NBPF8: variants seen among roughly 807,000 people sequenced by gnomAD.
NBPF8 encodes the protein NBPF family member NBPF8.
intron 14 of NBPF8, 126 bp downstream of exon 12, chr1:120,453,570 A>C: frequency 1.1e-6 from 1 of 919,640 alleles, no homozygotes. Flanking sequence ...TATGTGAAAT[A>C]TAACCCAGCT....
chr1:120,418,438 T>C (rs1660484583), upstream of NBPF8, among the ~76,000 whole-genome samples: 1 of 130,770 alleles, frequency 7.6e-6, no homozygotes. Flanking sequence ...TATACTTAAT[T>C]ACCAGGAAAA....
chr1:120,418,791 T>G (rs1156467896), upstream of NBPF8, among the ~76,000 whole-genome samples: 2 of 149,122 alleles, frequency 1.3e-5, no homozygotes, highest in African/African-American at 5.0e-5. Flanking sequence ...CAAATGACCC[T>G]CCCACCTTGG....
Position 120,455,970 on chromosome 1 carries a change from C to G in NBPF8, n.2620+510C>G, listed in dbSNP as rs1338803293. On this transcript the variant is annotated intron_variant and non_coding_transcript_variant, in intron 16 of 24. Transcript: ENST00000583271. ...TCCCAGAGATTCTGGTATGTTGTGT[C>G]TTTTTTCTCATTGGTTTCAAAGAAC... Among the ~76,000 whole-genome samples, 5 of 151,986 alleles carry G rather than the reference C, an allele frequency of 3.3e-5. 1 individual carries two copies. The highest frequency in any genetic ancestry group is 2.1e-4 in the South Asian group (1 of 4,822).
At chr1:120,466,071 A>T in exon 25 of NBPF8, 1 of 1,611,968 alleles carries the variant, frequency 6.2e-7, no homozygotes. Context: ...ACTGTGAACT[A>T]CGTGACTCAT....
intron 3 of NBPF8, among the ~76,000 whole-genome samples, chr1:120,428,679 T>C (rs1374399623): frequency 6.6e-6 from 1 of 152,050 alleles, no homozygotes; most frequent in Admixed American, 6.5e-5. Context: ...TCTGGGGCCA[T>C]GCGGTCTGTG....
intron 3 of NBPF8, among the ~76,000 whole-genome samples, chr1:120,429,956 A>G (rs1660831220): frequency 1.3e-5 from 2 of 150,470 alleles, no homozygotes; most frequent in Non-Finnish European, 2.9e-5. Flanking sequence ...CAGTAAAAGC[A>G]TTTGGCAAAA....
At chr1:120,415,338 C>T (rs1660400345), upstream of NBPF8, among the ~76,000 whole-genome samples, 1 of 149,644 alleles carries the variant, frequency 6.7e-6, no homozygotes, top group South Asian at 2.1e-4. Context: ...ACAGCTGGGT[C>T]GAGCTGCGGC....
upstream of NBPF8, among the ~76,000 whole-genome samples, chr1:120,416,329 G>T (rs1474547708): frequency 8.1e-6 from 1 of 123,730 alleles, no homozygotes; most frequent in Non-Finnish European, 1.7e-5. Flanking sequence ...GGTGGTCCGG[G>T]CGCGGTAGAT....
At chr1:120,441,421 ACT>A in exon 5 of NBPF8, 1 of 908,806 alleles carries the variant, frequency 1.1e-6, no homozygotes, top group Non-Finnish European at 1.8e-6. Flanking sequence ...GACGAAGTCA[ACT>A]CAACTCTGGT....
upstream of NBPF8, among the ~76,000 whole-genome samples, chr1:120,415,083 G>A (rs1553244863): frequency 6.6e-6 from 1 of 152,212 alleles, no homozygotes; most frequent in South Asian, 2.1e-4. Context: ...GCTGGGCGGC[G>A]GTTGAGACAG....
upstream of NBPF8, among the ~76,000 whole-genome samples, chr1:120,419,406 C>T (rs1367553683): frequency 9.2e-5 from 14 of 152,166 alleles, no homozygotes; most frequent in East Asian, 3.9e-4. Flanking sequence ...CAGAAAGAAT[C>T]GAATTCTTGT....
chr1:120,466,314 C>T, exon 25 of NBPF8: 1 of 1,540,270 alleles, frequency 6.5e-7, no homozygotes, highest in South Asian at 1.2e-5. Flanking sequence ...ATTTGGAAGC[C>T]CAGACATAGG....
chr1:120,462,344 G>A, intron 20 of NBPF8, 147 bp downstream of exon 18: 1 of 690,254 alleles, frequency 1.4e-6, no homozygotes, highest in Non-Finnish European at 2.6e-6. Flanking sequence ...CATTGCAGAA[G>A]ATGTTTAGGT....
chr1:120,426,490 G>A (rs1660731023), intron 2 of NBPF8, among the ~76,000 whole-genome samples: 1 of 148,598 alleles, frequency 6.7e-6, no homozygotes, highest in Non-Finnish European at 1.5e-5. Context: ...AGACAAGGGT[G>A]TGGCATGTTT....
chr1:120,463,206 T>C (rs1396107788), intron 21 of NBPF8, among the ~76,000 whole-genome samples: 2 of 145,608 alleles, frequency 1.4e-5, no homozygotes, highest in Non-Finnish European at 3.0e-5. Context: ...GAGCCCGCTC[T>C]CAGCACATTG....
chr1:120,425,691 C>T (rs1388790596), intron 1 of NBPF8, among the ~76,000 whole-genome samples: 1 of 151,098 alleles, frequency 6.6e-6, no homozygotes, highest in African/African-American at 2.4e-5. Flanking sequence ...ATGAGAAACG[C>T]CCACAGGTGT....
At chr1:120,431,119 A>C (rs1660861666) in intron 3 of NBPF8, among the ~76,000 whole-genome samples, 1 of 147,502 alleles carries the variant, frequency 6.8e-6, no homozygotes, top group Non-Finnish European at 1.5e-5. Context: ...AATCAAGATT[A>C]TGTGTTTTGT....
At chr1:120,453,638 T>C (rs201760801) in intron 14 of NBPF8, among the ~76,000 whole-genome samples, 194 bp downstream of exon 12, 6 of 151,812 alleles carry the variant, frequency 4.0e-5, no homozygotes, top group East Asian at 3.9e-4. Context: ...GTCATGTCTG[T>C]ACCGTACAGG....
downstream of NBPF8, among the ~76,000 whole-genome samples, chr1:120,468,241 T>C (rs1553250986): frequency 3.3e-5 from 5 of 151,188 alleles, no homozygotes; most frequent in Non-Finnish European, 5.9e-5. Flanking sequence ...GATTATCATC[T>C]TGCCCCTACC....
Sources: allele counts gnomAD v4.1 joint callset (sites outside exome capture counted in the v4.1 genomes callset), GRCh38; gene constraint gnomAD v4.1.1; transcripts MANE v1.5; gene names NCBI Gene and HGNC (gene_info 2026-07-23, HGNC 2026-07-21).